DNM3: variants seen among roughly 807,000 people sequenced by gnomAD.
DNM3 encodes dynamin 3.
A neutral mutation model predicts 101.6 loss-of-function variants in DNM3; 47 were observed. The observed-to-expected ratio is 0.46, with a 90% confidence interval of 0.37 to 0.59. The LOEUF (loss-of-function observed/expected upper bound fraction) is 0.59, where lower values mean the gene tolerates loss of function less well. Among genes scored for constraint, DNM3 ranks in the 20% least tolerant of loss-of-function variants. The pLI is 0.00. For synonymous variants in DNM3, 385 were observed against 387.9 expected, an observed-to-expected ratio of 0.99 and a Z score of 0.09; for missense variants, 849 against 1,085.7, an observed-to-expected ratio of 0.78 and a Z score of 3.06.
At chr1:172,269,131 T>G (rs2062984229) in intron 15 of DNM3, among the ~76,000 whole-genome samples, 2 of 152,232 alleles carry the variant, frequency 1.3e-5, no homozygotes, top group South Asian at 4.1e-4. Context: ...GCAAGGATTT[T>G]GGTCAAAGTG....
intron 17 of DNM3, among the ~76,000 whole-genome samples, chr1:172,351,457 A>G (rs532002825): frequency 6.6e-5 from 10 of 152,310 alleles, no homozygotes; most frequent in Admixed American, 1.3e-4. Context: ...AAGCAGCCAC[A>G]TGGTCTGTTG....
rs548842631 is a variant in DNM3 at position 171,942,104 on chromosome 1, G to A, written c.235+20283G>A. 2.0e-4 allele frequency among the ~76,000 whole-genome samples: 31 copies of A among 151,930 alleles called. No individual in the cohort carries two copies. In the South Asian group the frequency reaches 6.4e-3, roughly 32 times the overall value. ...TGATTCACAAGACTAGTACAGAGTG[G>A]ACTTAGCAAAGGTGGCTTGGGTATT... is the stretch of plus-strand genomic sequence containing the variant. On this transcript the variant is annotated intron_variant, in intron 2 of 20. Coordinates refer to ENST00000627582, the MANE Select transcript of DNM3 (RefSeq NM_015569.5).
At chr1:172,190,346 C>A (rs1444145493) in intron 14 of DNM3, among the ~76,000 whole-genome samples, 2 of 152,090 alleles carry the variant, frequency 1.3e-5, no homozygotes, top group African/African-American at 4.8e-5. Context: ...ATGAACTCAT[C>A]CTTTTTTATG....
intron 4 of DNM3, among the ~76,000 whole-genome samples, chr1:172,022,025 A>G (rs1363379893): frequency 6.6e-6 from 1 of 152,202 alleles, no homozygotes; most frequent in Non-Finnish European, 1.5e-5. Context: ...TTAGTTGGAA[A>G]TAACATAGCT....
chr1:172,177,906 A>G (rs569443774), intron 14 of DNM3, among the ~76,000 whole-genome samples: 1 of 152,006 alleles, frequency 6.6e-6, no homozygotes, highest in Non-Finnish European at 1.5e-5. Flanking sequence ...AATGTGCCCA[A>G]TGAATATACA....
chr1:171,927,810 T>C (rs6673413), intron 2 of DNM3, among the ~76,000 whole-genome samples: 147,688 of 152,290 alleles, frequency 0.97, 71,631 homozygotes, highest in East Asian at 1. Context: ...GATCTTTGTT[T>C]GTGTCCATAT....
chr1:172,006,210 G>T (rs2046676950), intron 4 of DNM3, among the ~76,000 whole-genome samples: 1 of 152,142 alleles, frequency 6.6e-6, no homozygotes, highest in Non-Finnish European at 1.5e-5. Flanking sequence ...TGGCAGTGAG[G>T]GAGGTTTCTT....
At chr1:172,391,259 A>G (rs2069512461) in intron 20 of DNM3, among the ~76,000 whole-genome samples, 1 of 152,156 alleles carries the variant, frequency 6.6e-6, no homozygotes, top group South Asian at 2.1e-4. Flanking sequence ...TAAAAGAGGA[A>G]AGTTTGTTGT....
At chr1:172,021,787 T>A (rs57907095) in intron 4 of DNM3, among the ~76,000 whole-genome samples, 2 of 152,140 alleles carry the variant, frequency 1.3e-5, no homozygotes, top group African/African-American at 4.8e-5. Flanking sequence ...TGTTCTTTCC[T>A]GAAGAGACAC....
intron 15 of DNM3, among the ~76,000 whole-genome samples, chr1:172,295,324 A>T (rs1157131265): frequency 2.0e-5 from 3 of 152,232 alleles, no homozygotes; most frequent in Non-Finnish European, 4.4e-5. Flanking sequence ...GTAAATATTT[A>T]TTCAAGATAA....
At chr1:172,137,002 C>T (rs907874232) in intron 14 of DNM3, 2 of 152,078 alleles carry the variant, frequency 1.3e-5, no homozygotes, top group African/African-American at 4.8e-5. Flanking sequence ...CCTGGAGTGC[C>T]TCACCTTAGG....
intron 14 of DNM3, among the ~76,000 whole-genome samples, chr1:172,203,577 G>A (rs2060225206): frequency 1.3e-5 from 2 of 152,140 alleles, no homozygotes; most frequent in Non-Finnish European, 2.9e-5. Flanking sequence ...TCCTTGTGAA[G>A]TAGACTCATG....
chr1:172,129,900 A>C (rs960383521), intron 13 of DNM3, among the ~76,000 whole-genome samples: 2 of 152,166 alleles, frequency 1.3e-5, no homozygotes, highest in African/African-American at 4.8e-5. Context: ...GCATTAGCCC[A>C]GACTGGAGAG....
chr1:172,052,709 C>A (rs1479281874), intron 10 of DNM3, among the ~76,000 whole-genome samples: 1 of 152,146 alleles, frequency 6.6e-6, no homozygotes, highest in Non-Finnish European at 1.5e-5. Flanking sequence ...TCCTTCTCTA[C>A]CTCCTTTGAG....
rs1452168874 is a variant in DNM3, at chr1:172,251,972, A to G, written c.1660-1601A>G. The stretch of plus-strand genomic sequence containing the variant: ...TGTTTTGAGAAAGCTGGACTCAACT[A>G]TGGTATCTCATTTACGATTAAATTA... On this transcript the variant is annotated intron_variant, in intron 14 of 20. Transcript: ENST00000627582. Among the ~76,000 whole-genome samples, 3 of 152,154 alleles carry G rather than the reference A, an allele frequency of 2.0e-5. No individual in the cohort carries two copies. In the South Asian group the frequency reaches 6.2e-4, roughly 32 times the overall value.
chr1:172,092,945 A>AT (rs1018635216), intron 13 of DNM3, 70 bp downstream of exon 13: 2 of 1,373,510 alleles, frequency 1.5e-6, no homozygotes, highest in Non-Finnish European at 2.0e-6. Context: ...TTGATTGACT[A>AT]TTTTTTTAAT....
chr1:172,079,406 G>A (rs1414196181), intron 11 of DNM3, among the ~76,000 whole-genome samples: 7 of 151,504 alleles, frequency 4.6e-5, no homozygotes, highest in Non-Finnish European at 1.0e-4. Flanking sequence ...CTGCTTGATC[G>A]ATTTGCCTAT....
At chr1:171,914,440 A>C (rs1022336636) in intron 1 of DNM3, among the ~76,000 whole-genome samples, 1 of 152,246 alleles carries the variant, frequency 6.6e-6, no homozygotes, top group Non-Finnish European at 1.5e-5. Context: ...TACAGGCGTG[A>C]GCCACCACAG....
At chr1:172,167,277 C>T (rs1244475464) in intron 14 of DNM3, among the ~76,000 whole-genome samples, 1 of 152,072 alleles carries the variant, frequency 6.6e-6, no homozygotes, top group Non-Finnish European at 1.5e-5. Context: ...GCATAGTATT[C>T]CATGGTGTAT....
Sources: gnomAD v4.1 joint callset for allele counts (sites outside exome capture counted in the v4.1 genomes callset) on GRCh38, gnomAD v4.1.1 for gene constraint, MANE v1.5 for transcripts, NCBI Gene and HGNC (gene_info 2026-07-23, HGNC 2026-07-21) for gene names.